Variants in MECOM observed in about 807,000 individuals in gnomAD.
The protein encoded by MECOM is MDS1 and EVI1 complex locus, also known as histone-lysine N-methyltransferase MECOM.
A neutral mutation model predicts 116.3 loss-of-function variants in MECOM; 13 were observed. The observed-to-expected ratio is 0.11, with a 90% CI of 0.07 to 0.18. The LOEUF is 0.18. Ranked by LOEUF, MECOM falls within the 10% of genes least tolerant of loss-of-function variation. The probability of loss-of-function intolerance (pLI) is 1.00; values close to 1 mark genes in which losing one functional copy is unlikely to be tolerated. For missense variants in MECOM, 1,299 were observed against 1,509.0 expected (o/e 0.86, Z 2.31); for synonymous variants, 528 against 535.2 (o/e 0.99, Z 0.19).
At chr3:169,392,856 C>G (rs1734439737) in intron 1 of MECOM, among the ~76,000 whole-genome samples, 1 of 152,148 alleles carries the variant, frequency 6.6e-6, no homozygotes, top group Non-Finnish European at 1.5e-5. Flanking sequence ...CTGAGTATCA[C>G]TAAGCTCTTC....
rs1156707771 is a variant in MECOM, at chr3:169,261,106, C to T, written c.376-117274G>A. ...AGTTGCCTCTCAAGTTGTTTCTTTA[C>T]ACATAGTGTAAAAGTTAATAGCCTC... On this transcript the variant is annotated intron_variant, in intron 2 of 16. Coordinates refer to ENST00000651503, the MANE Select transcript of MECOM (RefSeq NM_004991.4). Among the ~76,000 whole-genome samples the T allele has an allele frequency of 2.0e-5, 3 of 152,070 alleles. No individual in the cohort carries two copies. The East Asian group carries it at 5.8e-4, about 29-fold the overall frequency.
At chr3:169,514,747 G>A (rs988798408) in intron 1 of MECOM, among the ~76,000 whole-genome samples, 7 of 152,104 alleles carry the variant, frequency 4.6e-5, no homozygotes, top group Non-Finnish European at 8.8e-5. Flanking sequence ...GAATGTTCAC[G>A]GAATGAGTAA....
At chr3:169,111,623 T>C (rs1029503931) in intron 9 of MECOM, among the ~76,000 whole-genome samples, 2 of 152,134 alleles carry the variant, frequency 1.3e-5, no homozygotes, top group Non-Finnish European at 2.9e-5. Context: ...ATAAAATTAA[T>C]ACTAACTGGA....
chr3:169,297,073 A>G (rs986231672), intron 2 of MECOM, among the ~76,000 whole-genome samples: 4 of 152,358 alleles, frequency 2.6e-5, no homozygotes, highest in South Asian at 2.1e-4. Context: ...CTTTAGTAAT[A>G]CACCTGCACT....
intron 1 of MECOM, among the ~76,000 whole-genome samples, chr3:169,619,763 T>C (rs977509965): frequency 2.6e-5 from 4 of 152,184 alleles, no homozygotes; most frequent in Admixed American, 1.3e-4. Flanking sequence ...TTCCTCAGAA[T>C]ATGAAAATCA....
rs1477369996 is a variant in MECOM, at chr3:169,287,006, A to G, written c.375+94181T>C. 2.6e-5 allele frequency among the ~76,000 whole-genome samples: 4 copies of G among 152,156 alleles called. 1 individual carries two copies. The highest frequency in any genetic ancestry group is 9.7e-5 in the African/African-American group (4 of 41,436). ...CCATGAGTCCTAAATAATAAATCTC[A>G]CAACATTCCTTGTACTCGGTGTGAT... is the stretch of plus-strand genomic sequence containing the variant. On this transcript the variant is annotated intron_variant, in intron 2 of 16. Transcript: ENST00000651503.
intron 1 of MECOM, among the ~76,000 whole-genome samples, chr3:169,662,748 C>G (rs1204233066): frequency 6.6e-6 from 1 of 152,188 alleles, no homozygotes; most frequent in Non-Finnish European, 1.5e-5. Context: ...GCGGCCGCCT[C>G]GCAACTTTTC....
At chr3:169,171,042 T>C (rs904344238) in intron 2 of MECOM, among the ~76,000 whole-genome samples, 5 of 152,230 alleles carry the variant, frequency 3.3e-5, no homozygotes, top group African/African-American at 1.2e-4. Context: ...CTGGAATTTC[T>C]TTTTTATGTC....
At chr3:169,544,127 C>G (rs115839914) in intron 1 of MECOM, among the ~76,000 whole-genome samples, 7,697 of 152,182 alleles carry the variant, frequency 0.051, 432 homozygotes, top group East Asian at 0.33. Flanking sequence ...ACCTCAGAAG[C>G]TGCTCTTTAT....
At chr3:169,385,103 CAAA>C (rs751654546) in intron 1 of MECOM, among the ~76,000 whole-genome samples, 13 of 81,302 alleles carry the variant, frequency 1.6e-4, no homozygotes, top group South Asian at 4.4e-4. Context: ...GACCCTGTCT[CAAA>C]AAAAAAAAAA....
intron 2 of MECOM, among the ~76,000 whole-genome samples, chr3:169,234,226 A>G (rs1230317973): frequency 2.0e-5 from 3 of 151,974 alleles, no homozygotes; most frequent in Non-Finnish European, 2.9e-5. Context: ...ACCCCCACAG[A>G]GGTACTCTGT....
intron 1 of MECOM, among the ~76,000 whole-genome samples, chr3:169,489,511 T>A (rs1033890397): frequency 2.0e-5 from 3 of 152,098 alleles, no homozygotes; most frequent in Non-Finnish European, 4.4e-5. Flanking sequence ...GTGACAATTT[T>A]AAAAAAGTGT....
intron 2 of MECOM, among the ~76,000 whole-genome samples, chr3:169,193,581 A>T (rs1450542305): frequency 2.0e-5 from 3 of 151,984 alleles, no homozygotes; most frequent in Admixed American, 2.0e-4. Flanking sequence ...TATTACACAA[A>T]AAATATCTAA....
intron 1 of MECOM, among the ~76,000 whole-genome samples, chr3:169,433,645 G>GAAAGAAAGAAAGAAAGAA (rs1293618765): frequency 8.0e-5 from 9 of 111,958 alleles, no homozygotes; most frequent in African/African-American, 3.3e-4. Context: ...GAAAGAGAAA[G>GAAAGAAAGAAAGAAAGAA]AAAGAAAGAA....
chr3:169,413,245 G>A (rs543927316), intron 1 of MECOM, among the ~76,000 whole-genome samples: 27 of 152,314 alleles, frequency 1.8e-4, no homozygotes, highest in Non-Finnish European at 2.2e-4. Context: ...CCTGCAAAGC[G>A]CAAGGGGTTG....
At chr3:169,196,502 C>G (rs34595352) in intron 2 of MECOM, among the ~76,000 whole-genome samples, 50,641 of 151,920 alleles carry the variant, frequency 0.33, 9,341 homozygotes, top group Middle Eastern at 0.56. Flanking sequence ...GCTTAGTGCA[C>G]ATATTAACTA....
chr3:169,438,750 T>C (rs753838157), intron 1 of MECOM, among the ~76,000 whole-genome samples: 2 of 152,068 alleles, frequency 1.3e-5, no homozygotes, highest in Non-Finnish European at 1.5e-5. Flanking sequence ...TACTATCGGG[T>C]TTTCTTGTTC....
chr3:169,175,496 T>C (rs1237025975), intron 2 of MECOM, among the ~76,000 whole-genome samples: 2 of 152,182 alleles, frequency 1.3e-5, no homozygotes, highest in Non-Finnish European at 2.9e-5. Context: ...TGTTTAGATT[T>C]GGGTCCCATC....
chr3:169,133,951 T>G lies in MECOM; in HGVS notation c.511-2420A>C, dbSNP rs564337200. Reference sequence around the variant, plus strand: ...TCTCTCAAAGGTTTAACTTATTAGCTTCCTTTCCAACAACATGTTGACATT... The same window carrying G: ...TCTCTCAAAGGTTTAACTTATTAGCGTCCTTTCCAACAACATGTTGACATT... On this transcript the variant is annotated intron_variant, in intron 3 of 16. Coordinates refer to ENST00000651503, the MANE Select transcript of MECOM (RefSeq NM_004991.4). The G allele has an allele frequency of 5.1e-4, 654 of 1,289,638 alleles. 8 individuals carry two copies. The highest frequency in any genetic ancestry group is 4.1e-3 in the South Asian group (335 of 80,988). The allele number at this position is 1,289,638 out of a possible 1,614,324, so 79.9% of individuals were successfully genotyped here.
Sources: gnomAD v4.1 joint callset for allele counts (sites outside exome capture counted in the v4.1 genomes callset) on GRCh38, gnomAD v4.1.1 for gene constraint, MANE v1.5 for transcripts, NCBI Gene and HGNC (gene_info 2026-07-23, HGNC 2026-07-21) for gene names.